TAMM41: variants seen among roughly 807,000 people sequenced by gnomAD.
TAMM41 encodes TAM41 mitochondrial translocator assembly and maintenance homolog.
A neutral mutation model predicts 44.1 loss-of-function variants in TAMM41; 36 were observed. That is an observed-to-expected ratio of 0.82 (90% confidence interval 0.63 to 1.08). The LOEUF (loss-of-function observed/expected upper bound fraction) is 1.08. Among genes scored for constraint, TAMM41 ranks in the 50% least tolerant of loss-of-function variants. The pLI is 0.00. For synonymous variants in TAMM41, 164 were observed against 153.1 expected (o/e 1.07, Z -0.53); for missense variants, 417 against 404.3 (o/e 1.03, Z -0.27).
the TAMM41 span, among the ~76,000 whole-genome samples, chr3:11,784,394 C>T: frequency 1.3e-5 from 2 of 152,128 alleles, no homozygotes; most frequent in Non-Finnish European, 2.9e-5. Flanking sequence ...ACTCAGGAGG[C>T]TGAGGTGGGA....
chr3:11,761,946 C>CAAAAAAAAAAAAA, the TAMM41 span, among the ~76,000 whole-genome samples: 2 of 74,974 alleles, frequency 2.7e-5, no homozygotes, highest in African/African-American at 4.4e-5. Context: ...GACTCTGTCT[C>CAAAAAAAAAAAAA]AAAAAAAAAA....
chr3:11,827,259 A>G (rs1159236935), intron 4 of TAMM41, among the ~76,000 whole-genome samples: 1 of 151,444 alleles, frequency 6.6e-6, no homozygotes. Context: ...TTAAATGCTG[A>G]CTTCTAAGAA....
intron 6 of TAMM41, chr3:11,808,103 G>A (rs2077974753): frequency 9.2e-7 from 1 of 1,092,512 alleles, no homozygotes; most frequent in Non-Finnish European, 1.3e-6. Flanking sequence ...GCGCCACCCG[G>A]CTGTGTGAGT....
chr3:11,732,013 T>C, the TAMM41 span, among the ~76,000 whole-genome samples: 40 of 152,124 alleles, frequency 2.6e-4, no homozygotes, highest in East Asian at 3.9e-3. Context: ...ATTACAAGCA[T>C]GCATCACCAT....
At chr3:11,795,818 C>G (rs774150819) in intron 7 of TAMM41, among the ~76,000 whole-genome samples, 1 of 152,134 alleles carries the variant, frequency 6.6e-6, no homozygotes, top group Non-Finnish European at 1.5e-5. Flanking sequence ...CTTAGCTGGT[C>G]TTTTGTTGCC....
chr3:11,846,493 C>A lies in TAMM41; in HGVS notation c.135+9G>T. 6.2e-7 allele frequency: 1 copy of A among 1,614,100 alleles called. No individual in the cohort carries two copies. Among genetic ancestry groups the A allele is most frequent in the Non-Finnish European group, 8.5e-7 (1 of 1,179,996 alleles). On this transcript the variant is annotated intron_variant, in intron 1 of 7. Coordinates refer to ENST00000455809, the MANE Select transcript of TAMM41 (RefSeq NM_001284401.2). ...GACAGTTCCCCGTCGTGGGGCTGCC[C>A]GGGCTCACCTTCTGGTCTGAACTCG...
At chr3:11,733,752 C>G in the TAMM41 span, among the ~76,000 whole-genome samples, 1 of 151,970 alleles carries the variant, frequency 6.6e-6, no homozygotes, top group South Asian at 2.1e-4. Context: ...GCCTCGGCCT[C>G]CTAAAGTGCT....
chr3:11,785,945 ACT>A (rs1465985665), downstream of TAMM41, among the ~76,000 whole-genome samples: 4 of 152,028 alleles, frequency 2.6e-5, no homozygotes, highest in African/African-American at 9.7e-5. Flanking sequence ...AGTGGTGGTG[ACT>A]CTGGCAGCTC....
the TAMM41 span, among the ~76,000 whole-genome samples, chr3:11,723,935 G>A: frequency 9.2e-5 from 14 of 151,880 alleles, no homozygotes; most frequent in African/African-American, 3.4e-4. Context: ...TTGGCCCAGA[G>A]TTGATCGTTG....
the TAMM41 span, among the ~76,000 whole-genome samples, chr3:11,758,912 T>C: frequency 7.2e-5 from 11 of 152,254 alleles, no homozygotes; most frequent in African/African-American, 2.2e-4. Context: ...GACCTCGTGA[T>C]CCACCTGCCT....
At chr3:11,818,065 C>T (rs1348434284) in intron 4 of TAMM41, among the ~76,000 whole-genome samples, 1 of 152,202 alleles carries the variant, frequency 6.6e-6, no homozygotes, top group Non-Finnish European at 1.5e-5. Context: ...AAAGTGGACA[C>T]ACTTAAGTGC....
intron 5 of TAMM41, among the ~76,000 whole-genome samples, chr3:11,813,042 CT>C (rs1559285745): frequency 3.9e-5 from 6 of 152,152 alleles, no homozygotes. Flanking sequence ...ATCATGCAGG[CT>C]TTTATAGGCC....
At chr3:11,771,852 G>T in the TAMM41 span, among the ~76,000 whole-genome samples, 1 of 152,042 alleles carries the variant, frequency 6.6e-6, no homozygotes. Context: ...CAAAGTGTTG[G>T]GATTACAGGC....
chr3:11,845,179 G>T (rs2079626620), intron 1 of TAMM41: 1 of 357,666 alleles, frequency 2.8e-6, no homozygotes, highest in Admixed American at 3.7e-5. Flanking sequence ...TCCTGCAGAA[G>T]AGCTGACTGG....
At chr3:11,727,668 G>T in the TAMM41 span, among the ~76,000 whole-genome samples, 1 of 151,906 alleles carries the variant, frequency 6.6e-6, no homozygotes, top group South Asian at 2.1e-4. Context: ...GTTTTGCCAC[G>T]TTGCCCAGGC....
intron 2 of TAMM41, among the ~76,000 whole-genome samples, chr3:11,840,315 C>T (rs1575722854): frequency 6.6e-6 from 1 of 151,968 alleles, no homozygotes; most frequent in Non-Finnish European, 1.5e-5. Context: ...TCACCACAAC[C>T]TCCGCCTCCT....
chr3:11,739,798 C>T, the TAMM41 span, among the ~76,000 whole-genome samples: 1 of 151,420 alleles, frequency 6.6e-6, no homozygotes, highest in Non-Finnish European at 1.5e-5. Flanking sequence ...CCCCAGACTA[C>T]AGGTTCCCAG....
At chr3:11,816,239 C>T (rs1175030429) in intron 5 of TAMM41, among the ~76,000 whole-genome samples, 1 of 151,532 alleles carries the variant, frequency 6.6e-6, no homozygotes, top group African/African-American at 2.4e-5. Flanking sequence ...AACCTTTGGC[C>T]CGGCCTGGTT....
downstream of TAMM41, among the ~76,000 whole-genome samples, chr3:11,785,909 G>A (rs940666765): frequency 2.6e-5 from 4 of 152,114 alleles, no homozygotes; most frequent in Non-Finnish European, 5.9e-5. Flanking sequence ...GTTAGCCACC[G>A]TGCCTGGCCC....
Sources: gnomAD v4.1 joint callset for allele counts (sites outside exome capture counted in the v4.1 genomes callset) on GRCh38, gnomAD v4.1.1 for gene constraint, MANE v1.5 for transcripts, NCBI Gene and HGNC (gene_info 2026-07-23, HGNC 2026-07-21) for gene names.